SP6: variants seen among roughly 807,000 people sequenced by gnomAD.
SP6 encodes Sp6 transcription factor, also known as transcription factor Sp6.
In SP6, 10 loss-of-function variants were observed where a neutral mutation model predicts 23.4. The ratio of observed to expected loss-of-function variants is 0.43; its 90% CI spans 0.26 to 0.72. The LOEUF is 0.72. Ranked by LOEUF, SP6 falls within the 30% of genes least tolerant of loss-of-function variation. The pLI, the probability that SP6 is intolerant of heterozygous loss-of-function variation, is 0.23. For synonymous variants in SP6, 238 were observed against 238.7 expected, an observed-to-expected ratio of 1.00 and a Z score of 0.03; for missense variants, 482 against 523.8, an observed-to-expected ratio of 0.92 and a Z score of 0.78.
chr17:47,868,828 GA>G, the SP6 span, among the ~76,000 whole-genome samples: 1 of 152,156 alleles, frequency 6.6e-6, no homozygotes, highest in Non-Finnish European at 1.5e-5. Flanking sequence ...GATGGGGGAA[GA>G]AGGAGGGGGC....
upstream of SP6, among the ~76,000 whole-genome samples, chr17:47,854,987 A>G (rs899768202): frequency 6.6e-6 from 1 of 152,070 alleles, no homozygotes; most frequent in Non-Finnish European, 1.5e-5. Context: ...TTCTTAGAAA[A>G]CCAGATAGAG....
chr17:47,854,518 G>T (rs2033984483), upstream of SP6, among the ~76,000 whole-genome samples: 1 of 152,146 alleles, frequency 6.6e-6, no homozygotes, highest in Non-Finnish European at 1.5e-5. Flanking sequence ...GATGACCCTG[G>T]AAGTCTGGCT....
the SP6 span, among the ~76,000 whole-genome samples, chr17:47,867,425 G>C: frequency 6.6e-6 from 1 of 152,212 alleles, no homozygotes; most frequent in Non-Finnish European, 1.5e-5. Flanking sequence ...TGGGAGGGCA[G>C]GGCCCTGGCT....
chr17:47,869,033 CA>C, the SP6 span, among the ~76,000 whole-genome samples: 1 of 152,334 alleles, frequency 6.6e-6, no homozygotes, highest in East Asian at 1.9e-4. Flanking sequence ...AGGCAGACCC[CA>C]GGGGCGTGAG....
the SP6 span, among the ~76,000 whole-genome samples, chr17:47,872,440 G>A: frequency 6.6e-6 from 1 of 152,212 alleles, no homozygotes; most frequent in Admixed American, 6.5e-5. Flanking sequence ...CGTCTGGGCC[G>A]TGGGGGGAGC....
At chr17:47,861,069 T>C in the SP6 span, among the ~76,000 whole-genome samples, 2 of 152,200 alleles carry the variant, frequency 1.3e-5, no homozygotes, top group African/African-American at 4.8e-5. Context: ...GGCAGTGCCC[T>C]GGAAAGGGGG....
rs187295538 is a variant in SP6, at chr17:47,847,124, C to G, written c.*175G>C. ...CAGTCAAATTCATCCTGCCTAGTAG[C>G]CCCAGAGACTAAGAACCCCTAGCGC... is the stretch of plus-strand genomic sequence containing the variant. On this transcript the variant is annotated 3_prime_UTR_variant, in exon 2 of 2. Coordinates refer to ENST00000536300, the MANE Select transcript of SP6 (RefSeq NM_001258248.2). 209 of 659,802 alleles carry G rather than the reference C, an allele frequency of 3.2e-4. 2 individuals carry two copies. The East Asian group carries it at 5.4e-3, about 17-fold the overall frequency. 40.9% of individuals were successfully genotyped at this position (659,802 alleles called of 1,614,324 possible).
chr17:47,848,421 G>C lies in SP6; in HGVS notation c.9C>G (p.Thr3=). Residue 3 remains threonine, a synonymous_variant, in exon 2 of 2, where the codon ACC becomes ACG. Transcript: ENST00000536300. The surrounding 1 kb of genome is among the most constrained non-coding windows in gnomAD (Gnocchi z 5.3). The part of the protein sequence containing the change: ML[T]AVCGSLGSQH... ...GGCTGCCCAGAGAGCCGCAGACAGC[G>C]GTTAGCATTGCCGGGATCCGGGGTG... is the stretch of plus-strand genomic sequence containing the variant. The C allele has an allele frequency of 6.6e-6, 10 of 1,512,842 alleles. No homozygotes were observed. The highest frequency in any genetic ancestry group is 8.9e-6 in the Non-Finnish European group (10 of 1,127,638). The allele number at this position is 1,512,842 out of a possible 1,614,324, so 93.7% of individuals were successfully genotyped here.
In SP6 at chr17:47,848,453, G is replaced by C; in HGVS notation, c.-24C>G. Reference sequence around the variant, plus strand: ...ATTGCCGGGATCCGGGGTGGGGTGAGGGCAGGGACGGTCAGGGGCACCTCA... The same window carrying C: ...ATTGCCGGGATCCGGGGTGGGGTGACGGCAGGGACGGTCAGGGGCACCTCA... On this transcript the variant is annotated 5_prime_UTR_variant, in exon 2 of 2. Coordinates refer to ENST00000536300, the MANE Select transcript of SP6 (RefSeq NM_001258248.2). The surrounding 1 kb of genome is among the most constrained non-coding windows in gnomAD (Gnocchi z 5.3). The C allele has an allele frequency of 6.8e-7, 1 of 1,475,342 alleles. No homozygotes were observed. Among genetic ancestry groups the C allele is most frequent in the East Asian group, 2.5e-5 (1 of 40,748 alleles). 91.4% of individuals were successfully genotyped at this position (1,475,342 alleles called of 1,614,324 possible).
In SP6 at chr17:47,847,899, G is replaced by C; in HGVS notation, c.531C>G (p.Ala177=). 6.4e-7 allele frequency: 1 copy of C among 1,561,704 alleles called. No homozygotes were observed. Among genetic ancestry groups the C allele is most frequent in the Non-Finnish European group, 8.7e-7 (1 of 1,153,314 alleles). ...HPHAHHLLPA[A]GGQHLLGPPD... ...GCGGCCCTAGGAGATGCTGCCCTCCGGCAGCTGGAAGGAGGTGGTGCGCAT... is the reference window on the plus strand; with the variant it reads ...GCGGCCCTAGGAGATGCTGCCCTCCCGCAGCTGGAAGGAGGTGGTGCGCAT... Residue 177 remains alanine, a synonymous_variant, in exon 2 of 2, where the codon GCC becomes GCG. Coordinates refer to ENST00000536300, the MANE Select transcript of SP6 (RefSeq NM_001258248.2).
upstream of SP6, among the ~76,000 whole-genome samples, chr17:47,851,992 C>T (rs576855218): frequency 1.4e-4 from 22 of 152,078 alleles, 1 homozygote; most frequent in African/African-American, 4.8e-4. Flanking sequence ...CCTCTCCTCG[C>T]CCTCCTGTCC....
At chr17:47,856,026 G>T (rs2033996185), upstream of SP6, among the ~76,000 whole-genome samples, 1 of 152,150 alleles carries the variant, frequency 6.6e-6, no homozygotes. Flanking sequence ...GGAGAGCTGG[G>T]ATAGCTGGAA....
chr17:47,872,657 G>A, the SP6 span, among the ~76,000 whole-genome samples: 1 of 152,218 alleles, frequency 6.6e-6, no homozygotes, highest in Non-Finnish European at 1.5e-5. Flanking sequence ...CCCTTTGCCG[G>A]CCCACTGCAG....
At chr17:47,852,161 CAAGG>C (rs1219072459), upstream of SP6, among the ~76,000 whole-genome samples, 1 of 152,190 alleles carries the variant, frequency 6.6e-6, no homozygotes, top group East Asian at 1.9e-4. Flanking sequence ...TAACTAAACC[CAAGG>C]TTCTTAACTT....
At position 47,844,997 on chromosome 17, in the gene SP6, GA is replaced by G. The variant is rs1324241112; in HGVS notation, c.*2301del. The G allele has an allele frequency of 2.6e-5, 4 of 152,554 alleles. No individual in the cohort carries two copies. Among genetic ancestry groups the G allele is most frequent in the African/African-American group, 9.7e-5 (4 of 41,424 alleles). 9.5% of individuals were successfully genotyped at this position (152,554 alleles called of 1,614,324 possible). A position where few individuals can be genotyped will look rare whatever the true frequency, so the allele number is the denominator to read the frequency against. On this transcript the variant is annotated 3_prime_UTR_variant, in exon 2 of 2. Coordinates refer to ENST00000536300, the MANE Select transcript of SP6 (RefSeq NM_001258248.2). ...TCAAAGTGAGTTCACAGCAGTTAAA[GA>G]AAAAATAAATTCCTACATTTTTCCT... is the stretch of plus-strand genomic sequence containing the variant.
At chr17:47,868,574 C>T in the SP6 span, among the ~76,000 whole-genome samples, 2 of 152,288 alleles carry the variant, frequency 1.3e-5, no homozygotes, top group African/African-American at 2.4e-5. Flanking sequence ...TTCACACTCA[C>T]GAGGCCCTCA....
rs539636339 is a variant in SP6 at position 47,845,989 on chromosome 17, C to T, written c.*1310G>A. ...CCCCTCCCTCCTTTCCTCTCTCCCC[C>T]ACCCCATGATCAGAATCAAAATGTG... is the stretch of plus-strand genomic sequence containing the variant. On this transcript the variant is annotated 3_prime_UTR_variant, in exon 2 of 2. Transcript: ENST00000536300. The T allele has an allele frequency of 6.6e-5, 10 of 152,208 alleles. No homozygotes were observed. Among genetic ancestry groups the T allele is most frequent in the Non-Finnish European group, 1.0e-4 (7 of 68,050 alleles). 9.4% of individuals were successfully genotyped at this position (152,208 alleles called of 1,614,324 possible).
In SP6 at chr17:47,846,572, C is replaced by T. The variant is rs2033887080; in HGVS notation, c.*727G>A. ...TAGAAGAGGACTTCCCTACTCGCCCCCTCCATCTATCTCGGTCCTTTATCG... is the reference window on the plus strand; with the variant it reads ...TAGAAGAGGACTTCCCTACTCGCCCTCTCCATCTATCTCGGTCCTTTATCG... On this transcript the variant is annotated 3_prime_UTR_variant, in exon 2 of 2. Coordinates refer to ENST00000536300, the MANE Select transcript of SP6 (RefSeq NM_001258248.2). 1 of 152,252 alleles carries T rather than the reference C, an allele frequency of 6.6e-6. No individual in the cohort carries two copies. Among genetic ancestry groups the T allele is most frequent in the African/African-American group, 2.4e-5 (1 of 41,458 alleles). 9.4% of individuals were successfully genotyped at this position (152,252 alleles called of 1,614,324 possible). A position where few individuals can be genotyped will look rare whatever the true frequency, so the allele number is the denominator to read the frequency against.
At chr17:47,862,125 C>T in the SP6 span, among the ~76,000 whole-genome samples, 3 of 151,264 alleles carry the variant, frequency 2.0e-5, no homozygotes, top group African/African-American at 7.3e-5. Flanking sequence ...ATGAGTGGAT[C>T]ACCGGAGGTC....
Sources: gnomAD v4.1 joint callset for allele counts (sites outside exome capture counted in the v4.1 genomes callset) on GRCh38, gnomAD v4.1.1 for gene constraint, Gnocchi (gnomAD v3.1) non-coding constraint, MANE v1.5 for transcripts, NCBI Gene and HGNC (gene_info 2026-07-23, HGNC 2026-07-21) for gene names.